Variants in ZZEF1 observed in about 807,000 individuals in gnomAD.
ZZEF1 encodes zinc finger ZZ-type and EF-hand domain containing 1, also known as zinc finger ZZ-type and EF-hand domain-containing protein 1.
In ZZEF1, 157 loss-of-function variants were observed where a neutral mutation model predicts 342.8. The observed-to-expected ratio is 0.46, with a 90% CI of 0.40 to 0.52. The LOEUF (loss-of-function observed/expected upper bound fraction) is 0.52. ZZEF1 is among the 20% of genes least tolerant of loss of function. ZZEF1 has a pLI of 0.00. For synonymous variants in ZZEF1, 1,505 were observed against 1,429.1 expected (o/e 1.05, Z -1.20); for missense variants, 3,480 against 3,725.6 (o/e 0.93, Z 1.72).
At chr17:4,070,987 G>A (rs2057498144) in intron 25 of ZZEF1, 63 bp from the exon 26 acceptor site, 1 of 1,566,926 alleles carries the variant, frequency 6.4e-7, no homozygotes, top group Non-Finnish European at 8.7e-7. Flanking sequence ...AATTTATTGA[G>A]CAAACTATTA....
At chr17:4,103,784 C>T (rs1185487707) in intron 8 of ZZEF1, among the ~76,000 whole-genome samples, 3 of 152,042 alleles carry the variant, frequency 2.0e-5, no homozygotes, top group Admixed American at 2.0e-4. Context: ...ACCAGGTATG[C>T]TGGCATGCAC....
At chr17:4,138,058 C>A (rs962246859) in intron 1 of ZZEF1, among the ~76,000 whole-genome samples, 5 of 152,148 alleles carry the variant, frequency 3.3e-5, no homozygotes, top group African/African-American at 1.2e-4. Context: ...TAGCACAGGG[C>A]TAGTGCAGGT....
At chr17:4,049,969 G>A (rs368899573) in intron 36 of ZZEF1, 110 bp from the exon 37 acceptor site, 2 of 1,252,090 alleles carry the variant, frequency 1.6e-6, no homozygotes. Flanking sequence ...AATGAGTTCT[G>A]CACAAACCAA....
rs2055869270 is a variant in ZZEF1 at position 4,008,855 on chromosome 17, G to A, written c.8805+28C>T. 2.6e-6 allele frequency: 4 copies of A among 1,543,540 alleles called. No homozygotes were observed. The highest frequency in any genetic ancestry group is 3.9e-5 in the Admixed American group (2 of 51,056). On this transcript the variant is annotated intron_variant, in intron 54 of 54. Coordinates refer to ENST00000381638, the MANE Select transcript of ZZEF1 (RefSeq NM_015113.4). The surrounding 1 kb of genome is among the most constrained non-coding windows in gnomAD (Gnocchi z 4.2). The stretch of plus-strand genomic sequence containing the variant: ...GAGATGGTGGCGCCCCAGCCTGGGG[G>A]CCAGCTCTGTTGGGGTGGAGAGAGT...
chr17:4,017,716 G>C lies in ZZEF1; in HGVS notation c.7656C>G (p.Arg2552=), dbSNP rs757300556. The change falls in exon 48 of 55, where the codon CGC becomes CGG. Residue 2552 remains arginine, a synonymous_variant. Coordinates refer to ENST00000381638, the MANE Select transcript of ZZEF1 (RefSeq NM_015113.4). The surrounding 1 kb of genome is among the most constrained non-coding windows in gnomAD (Gnocchi z 5.1). ...IILPCLSRPA[R]CDQATAESNP... is the part of the protein sequence containing the mutation. ...TCGATTCAGCAGTGGCTTGGTCACA[G>C]CGTGCAGGCCGGGACTGCAAACCCA... is the stretch of plus-strand genomic sequence containing the variant. The C allele has an allele frequency of 8.7e-6, 14 of 1,612,732 alleles. No homozygotes were observed. Among genetic ancestry groups the C allele is most frequent in the Admixed American group, 1.7e-5 (1 of 60,006 alleles).
rs770237104 is a variant in ZZEF1 at position 4,102,351 on chromosome 17, G to A, written c.1638C>T (p.Pro546=). The A allele has an allele frequency of 8.1e-6, 13 of 1,613,902 alleles. No individual in the cohort carries two copies. Among genetic ancestry groups the A allele is most frequent in the Admixed American group, 3.3e-5 (2 of 60,014 alleles). Residue 546 remains proline, a synonymous_variant, in exon 9 of 55, where the codon CCC becomes CCT. Transcript: ENST00000381638. ...DVKGKEDKSG[P]ENLLVEPWTR... ...TCCACGGTTCAACAAGGAGGTTTTC[G>A]GGTCCAGACTTATCTTCTTTTCCTT... is the stretch of plus-strand genomic sequence containing the variant.
chr17:4,048,770 G>A (rs1455257756), intron 37 of ZZEF1, among the ~76,000 whole-genome samples: 4 of 152,018 alleles, frequency 2.6e-5, no homozygotes, highest in African/African-American at 9.7e-5. Context: ...TTGGAGTGCA[G>A]TGGCGCCATC....
intron 36 of ZZEF1, 133 bp downstream of exon 36, chr17:4,050,648 A>G (rs2057023952): frequency 6.9e-6 from 9 of 1,307,054 alleles, no homozygotes; most frequent in African/African-American, 1.5e-5. Flanking sequence ...TAAGTTCCAC[A>G]CCAGGGTAAG....
intron 11 of ZZEF1, among the ~76,000 whole-genome samples, chr17:4,091,733 C>G (rs984402038): frequency 2.0e-5 from 3 of 149,384 alleles, no homozygotes; most frequent in Non-Finnish European, 3.0e-5. Context: ...ACTGAGATCA[C>G]GCCATTGCAC....
chr17:4,008,038 C>CT lies in ZZEF1; in HGVS notation c.8805+844dup, dbSNP rs2055850482. Among the ~76,000 whole-genome samples the CT allele has an allele frequency of 1.3e-5, 2 of 152,270 alleles. No homozygotes were observed. The highest frequency in any genetic ancestry group is 1.3e-4 in the Admixed American group (2 of 15,310). On this transcript the variant is annotated intron_variant, in intron 54 of 54. Transcript: ENST00000381638. This position sits in a 1 kb window ranked among gnomAD's most constrained non-coding sequence, Gnocchi z 4.2. The stretch of plus-strand genomic sequence containing the variant: ...CAAAATGTACTCTGGGGCCAGGCGA[C>CT]TCCCGAGACCCTTTTGGGGTCTGCA...
intron 1 of ZZEF1, among the ~76,000 whole-genome samples, chr17:4,139,379 G>A (rs866684163): frequency 1.2e-4 from 18 of 152,288 alleles, no homozygotes; most frequent in Non-Finnish European, 2.4e-4. Context: ...ATGCGCACCC[G>A]TGGCTATCTG....
chr17:4,011,892 A>G (rs1473193097), intron 52 of ZZEF1, among the ~76,000 whole-genome samples: 2 of 152,226 alleles, frequency 1.3e-5, no homozygotes, highest in Non-Finnish European at 2.9e-5. Context: ...CGAGCTGAGA[A>G]GGTCCCTCCC....
At chr17:4,044,077 GTCA>G in intron 38 of ZZEF1, 144 bp downstream of exon 38, 1 of 755,898 alleles carries the variant, frequency 1.3e-6, no homozygotes, top group Admixed American at 2.7e-5. Flanking sequence ...CATTCGAGGT[GTCA>G]TCAGCACCAT....
intron 36 of ZZEF1, 130 bp from the exon 37 acceptor site, chr17:4,049,989 G>C: frequency 4.0e-6 from 4 of 997,578 alleles, no homozygotes; most frequent in Non-Finnish European, 5.7e-6. Context: ...AATCCTAGAG[G>C]ACTCAACGTG....
intron 19 of ZZEF1, 119 bp from the exon 20 acceptor site, chr17:4,077,108 AC>A: frequency 2.0e-6 from 2 of 994,712 alleles, no homozygotes; most frequent in Non-Finnish European, 2.7e-6. Flanking sequence ...CACAGCGAAG[AC>A]CACAAGGCCA....
chr17:4,038,984 T>C (rs2145094508), intron 39 of ZZEF1, among the ~76,000 whole-genome samples: 1 of 152,244 alleles, frequency 6.6e-6, no homozygotes, highest in African/African-American at 2.4e-5. Context: ...TAGGACTCTA[T>C]CTAGGCAGTT....
rs1452389313 is a variant in ZZEF1 at position 4,122,751 on chromosome 17, T to C, written c.499+1156A>G. Among the ~76,000 whole-genome samples the C allele has an allele frequency of 5.9e-5, 9 of 152,242 alleles. 1 individual carries two copies. Among genetic ancestry groups the C allele is most frequent in the Admixed American group, 3.3e-4 (5 of 15,296 alleles). On this transcript the variant is annotated intron_variant, in intron 2 of 54. Transcript: ENST00000381638. ...TTCTGAATATAGTAGTCCTCCCTTATCCACAATTTCAGTTACCTGTGGTCA... is the reference window on the plus strand; with the variant it reads ...TTCTGAATATAGTAGTCCTCCCTTACCCACAATTTCAGTTACCTGTGGTCA...
At chr17:4,019,549 T>G in intron 46 of ZZEF1, 120 bp downstream of exon 46, 1 of 864,798 alleles carries the variant, frequency 1.2e-6, no homozygotes, top group Non-Finnish European at 1.8e-6. Context: ...GACTAGCAAC[T>G]GCTTCCCGGC....
intron 5 of ZZEF1, among the ~76,000 whole-genome samples, chr17:4,111,380 G>T (rs1015107395): frequency 2.6e-5 from 4 of 151,934 alleles, no homozygotes; most frequent in Non-Finnish European, 4.4e-5. Flanking sequence ...TTTTTAATGG[G>T]CCAGTGCAGT....
Sources: gnomAD v4.1 joint callset for allele counts (sites outside exome capture counted in the v4.1 genomes callset) on GRCh38, gnomAD v4.1.1 for gene constraint, Gnocchi (gnomAD v3.1) non-coding constraint, MANE v1.5 for transcripts, NCBI Gene and HGNC (gene_info 2026-07-23, HGNC 2026-07-21) for gene names.